Variants in MICALL2 observed in about 807,000 individuals in gnomAD.
MICALL2 encodes the protein MICAL like 2, also known as MICAL-like protein 2.
In MICALL2, 111 loss-of-function variants were observed where a neutral mutation model predicts 91.1. That is an observed-to-expected ratio of 1.22 (90% confidence interval 1.04 to 1.43). The LOEUF is 1.43. MICALL2 is among the 40% of genes most tolerant of loss of function. The pLI, the probability that MICALL2 is intolerant of heterozygous loss-of-function variation, is 0.00. For missense variants in MICALL2, 1,556 were observed against 1,236.0 expected, an observed-to-expected ratio of 1.26 and a Z score of -3.88; for synonymous variants, 694 against 525.3, an observed-to-expected ratio of 1.32 and a Z score of -4.39.
intron 8 of MICALL2, 46 bp downstream of exon 8, chr7:1,440,545 C>G: frequency 2.0e-6 from 3 of 1,511,224 alleles, no homozygotes; most frequent in Non-Finnish European, 2.8e-6. Context: ...ATTTATTAAG[C>G]ACCTATGGTG....
chr7:1,437,230 G>A lies in MICALL2; in HGVS notation c.2476+305C>T, dbSNP rs550822420. On this transcript the variant is annotated intron_variant, in intron 14 of 16. Coordinates refer to ENST00000297508, the MANE Select transcript of MICALL2 (RefSeq NM_182924.4). ...CAAATGCCTATGGCTCGCCCTGACT[G>A]CTGCTACACTAAATGCCTTGTGCGA... is the stretch of plus-strand genomic sequence containing the variant. 2.4e-4 allele frequency: 118 copies of A among 496,304 alleles called. 2 individuals are homozygous for A. The South Asian group carries it at 3.2e-3, about 14-fold the overall frequency. 30.7% of individuals were successfully genotyped at this position (496,304 alleles called of 1,614,324 possible). A position where few individuals can be genotyped will look rare whatever the true frequency, so the allele number is the denominator to read the frequency against.
At chr7:1,436,551 C>CAAAAAAAAAAAAA (rs59955608) in intron 15 of MICALL2, among the ~76,000 whole-genome samples, 191 bp downstream of exon 15, 25 of 74,444 alleles carry the variant, frequency 3.4e-4, no homozygotes, top group African/African-American at 4.9e-4. Context: ...GACTCTGTCT[C>CAAAAAAAAAAAAA]AAAAAAAAAA....
rs1780864849 is a variant in MICALL2, at chr7:1,452,335, G to A, written c.144-2047C>T. 6.6e-6 allele frequency among the ~76,000 whole-genome samples: 1 copy of A among 152,206 alleles called. No individual in the cohort carries two copies. Among genetic ancestry groups the A allele is most frequent in the South Asian group, 2.1e-4 (1 of 4,822 alleles). ...TCCCCCGAGAGGGTGTGACCCGAGG[G>A]CACGTGGGTGGCTGTCTATGCCCAG... On this transcript the variant is annotated intron_variant, in intron 1 of 16. Coordinates refer to ENST00000297508, the MANE Select transcript of MICALL2 (RefSeq NM_182924.4). The surrounding 1 kb of genome is among the most constrained non-coding windows in gnomAD (Gnocchi z 6.2).
chr7:1,438,209 G>T lies in MICALL2; in HGVS notation c.2199C>A (p.Asp733Glu), dbSNP rs781595862. ...TCTGTATCTCCTCCGGGGAGAGGTA[G>T]TCGGGGTGCAGCTGGGAACGGAGGG... The part of the protein sequence containing the change: ...TVTSPVRLHP[D>E]YLSPEEIQRQ... The change falls in exon 12 of 17, where the codon GAC becomes GAA. Residue 733 changes from aspartate (D) to glutamate (E), a missense_variant. Asp to Glu is a conservative substitution (Grantham distance 45). Coordinates refer to ENST00000297508, the MANE Select transcript of MICALL2 (RefSeq NM_182924.4). 9 of 1,585,290 alleles carry T rather than the reference G, an allele frequency of 5.7e-6. No homozygotes were observed. The highest frequency in any genetic ancestry group is 7.7e-6 in the Non-Finnish European group (9 of 1,165,902).
intron 1 of MICALL2, 102 bp downstream of exon 1, chr7:1,459,081 GC>G: frequency 5.7e-6 from 7 of 1,228,428 alleles, no homozygotes; most frequent in Non-Finnish European, 7.9e-6. Context: ...CCAGTCCCAC[GC>G]CTCGGCTCCC....
intron 1 of MICALL2, 107 bp downstream of exon 1, chr7:1,459,077 C>G: frequency 3.3e-6 from 4 of 1,197,620 alleles, no homozygotes; most frequent in Non-Finnish European, 4.7e-6. Context: ...CTGCCCAGTC[C>G]CACGCCTCGG....
At chr7:1,443,756 T>C (rs1031828788) in intron 6 of MICALL2, among the ~76,000 whole-genome samples, 2 of 152,164 alleles carry the variant, frequency 1.3e-5, no homozygotes, top group Admixed American at 1.3e-4. Context: ...CCACCCCTAG[T>C]GCCCTGCAAG....
At chr7:1,445,562 G>A (rs1012243577) in intron 5 of MICALL2, 134 bp from the exon 6 acceptor site, 14 of 795,800 alleles carry the variant, frequency 1.8e-5, no homozygotes, top group East Asian at 5.4e-5. Flanking sequence ...GCCCCGCCAC[G>A]CATTCACCAC....
rs1202167340 is a variant in MICALL2 at position 1,448,733 on chromosome 7, C to G, written c.221G>C (p.Gly74Ala). ...CTCGGCATCCAGCAAGGCTGGGATG[C>G]CCAAGTGCTCCTCGGCCACGCGGAA... ...LAFRVAEEHL[G>A]IPALLDAEDM... Residue 74 changes from glycine (G) to alanine (A), a missense_variant, in exon 3 of 17, where the codon GGC becomes GCC. Transcript: ENST00000297508. 1 of 1,612,616 alleles carries G rather than the reference C, an allele frequency of 6.2e-7. No homozygotes were observed. Among genetic ancestry groups the G allele is most frequent in the Non-Finnish European group, 8.5e-7 (1 of 1,179,924 alleles).
intron 15 of MICALL2, 27 bp from the exon 16 acceptor site, chr7:1,435,174 C>CGACAAT: frequency 6.2e-7 from 1 of 1,612,760 alleles, no homozygotes; most frequent in Non-Finnish European, 8.5e-7. Context: ...TGGCCATGAG[C>CGACAAT]GACAATGGCA....
chr7:1,449,549 G>A (rs1040444758), intron 2 of MICALL2, among the ~76,000 whole-genome samples: 1 of 152,258 alleles, frequency 6.6e-6, no homozygotes, highest in African/African-American at 2.4e-5. Context: ...TTAAGTTAAA[G>A]CTTAAGTTCA....
chr7:1,449,025 T>A (rs1780721038), intron 2 of MICALL2, among the ~76,000 whole-genome samples: 1 of 152,240 alleles, frequency 6.6e-6, no homozygotes, highest in Non-Finnish European at 1.5e-5. Flanking sequence ...CAGGGGATCC[T>A]ACCCTTCACC....
rs1361091768 is a variant in MICALL2 at position 1,452,214 on chromosome 7, A to T, written c.144-1926T>A. Among the ~76,000 whole-genome samples the T allele has an allele frequency of 1.3e-5, 2 of 152,138 alleles. No homozygotes were observed. The highest frequency in any genetic ancestry group is 4.8e-5 in the African/African-American group (2 of 41,420). ...GGGGCGCGGACTCCTCTCCGTGTGGACAGATGACGAGGAGCCCCCTCCCTG... is the reference window on the plus strand; with the variant it reads ...GGGGCGCGGACTCCTCTCCGTGTGGTCAGATGACGAGGAGCCCCCTCCCTG... On this transcript the variant is annotated intron_variant, in intron 1 of 16. Coordinates refer to ENST00000297508, the MANE Select transcript of MICALL2 (RefSeq NM_182924.4). This position sits in a 1 kb window ranked among gnomAD's most constrained non-coding sequence, Gnocchi z 6.2.
intron 6 of MICALL2, 96 bp from the exon 7 acceptor site, chr7:1,442,580 C>T: frequency 2.4e-6 from 3 of 1,230,620 alleles, no homozygotes; most frequent in Non-Finnish European, 3.4e-6. Flanking sequence ...AGCTCACTCC[C>T]AATGCCCAGC....
chr7:1,456,807 C>T (rs1562471532), intron 1 of MICALL2, among the ~76,000 whole-genome samples: 1 of 151,958 alleles, frequency 6.6e-6, no homozygotes, highest in African/African-American at 2.4e-5. Context: ...CCCATACAAG[C>T]GCATGTCCCC....
Position 1,448,670 on chromosome 7 carries a change from A to G in MICALL2, c.284T>C (p.Ile95Thr). The part of the protein sequence containing the change: ...VALKVPDRLS[I>T]LTYVSQYYNY... ...GTAATACTGGGACACGTAGGTCAAG[A>G]TGCTCAGCCGGTCAGGCACCTTCAA... Residue 95 changes from isoleucine to threonine, a missense_variant, in exon 3 of 17, where the codon ATC (isoleucine) becomes ACC (threonine). Transcript: ENST00000297508. The G allele has an allele frequency of 6.2e-7, 1 of 1,612,766 alleles. No homozygotes were observed. Among genetic ancestry groups the G allele is most frequent in the Non-Finnish European group, 8.5e-7 (1 of 1,179,922 alleles).
At position 1,444,791 on chromosome 7, in the gene MICALL2, G is replaced by C; in HGVS notation, c.1279C>G (p.Pro427Ala). 6.2e-7 allele frequency: 1 copy of C among 1,611,618 alleles called. No individual in the cohort carries two copies. Among genetic ancestry groups the C allele is most frequent in the South Asian group, 1.1e-5 (1 of 91,046 alleles). Residue 427 changes from proline (P) to alanine (A), a missense_variant, in exon 6 of 17, where the codon CCC (proline) becomes GCC (alanine). Coordinates refer to ENST00000297508, the MANE Select transcript of MICALL2 (RefSeq NM_182924.4). ...RNKFFQTSAV[P>A]PGTSLSGRGP... ...CTGCCAGAAAGGCTGGTGCCGGGGGGCACTGCTGATGTTTGGAAAAACTTA... is the reference window on the plus strand; with the variant it reads ...CTGCCAGAAAGGCTGGTGCCGGGGGCCACTGCTGATGTTTGGAAAAACTTA...
At chr7:1,457,696 C>A (rs1781069622) in intron 1 of MICALL2, among the ~76,000 whole-genome samples, 1 of 152,246 alleles carries the variant, frequency 6.6e-6, no homozygotes, top group Admixed American at 6.5e-5. Context: ...AGAAGCTCCC[C>A]AGGACCAGAG....
chr7:1,435,074 AGCCCTCAGCATCCCCG>A lies in MICALL2; in HGVS notation c.2638+11_2638+26del, dbSNP rs746665487. ...CCCGGCCCACCCAGCCAGCCAGCCC[AGCCCTCAGCATCCCCG>A]GCCCAGTCACCCAGCTTCTCAATCA... On this transcript the variant is annotated intron_variant, in intron 16 of 16. Coordinates refer to ENST00000297508, the MANE Select transcript of MICALL2 (RefSeq NM_182924.4). 122 of 1,551,400 alleles carry A rather than the reference AGCCCTCAGCATCCCCG, an allele frequency of 7.9e-5. No homozygotes were observed. Among genetic ancestry groups the A allele is most frequent in the Non-Finnish European group, 9.4e-5 (108 of 1,143,932 alleles).
Sources: allele counts gnomAD v4.1 joint callset (sites outside exome capture counted in the v4.1 genomes callset), GRCh38; gene constraint gnomAD v4.1.1; non-coding constraint Gnocchi (gnomAD v3.1); transcripts MANE v1.5; gene names NCBI Gene and HGNC (gene_info 2026-07-23, HGNC 2026-07-21).